The following PCDH9 variants were observed in gnomAD, a reference collection of about 807,000 sequenced individuals.
PCDH9 encodes the protein protocadherin 9, also known as protocadherin-9.
In PCDH9, 24 loss-of-function variants were observed where a neutral mutation model predicts 70.6. That is an observed-to-expected ratio of 0.34 (90% CI 0.25 to 0.48). PCDH9 has a LOEUF of 0.48. Ranked by LOEUF, PCDH9 falls within the 20% of genes least tolerant of loss-of-function variation. PCDH9 has a pLI of 0.99. For synonymous variants in PCDH9, 562 were observed against 558.5 expected (o/e 1.01, Z -0.09); for missense variants, 1,281 against 1,503.6 (o/e 0.85, Z 2.45).
intron 3 of PCDH9, among the ~76,000 whole-genome samples, chr13:66,705,131 T>C (rs918085397): frequency 1.3e-5 from 2 of 152,148 alleles, no homozygotes; most frequent in African/African-American, 4.8e-5. Flanking sequence ...GTTTATACCA[T>C]AGAGTGTTTA....
chr13:67,208,176 C>A (rs148907889), intron 2 of PCDH9: 1 of 152,198 alleles, frequency 6.6e-6, no homozygotes, highest in Non-Finnish European at 1.5e-5. Flanking sequence ...TTGCCAGATA[C>A]TGCTAATATT....
rs868237102 is a variant in PCDH9 at position 67,103,801 on chromosome 13, T to C, written c.3036+121604A>G. Among the ~76,000 whole-genome samples, 13 of 151,330 alleles carry C rather than the reference T, an allele frequency of 8.6e-5. No individual in the cohort carries two copies. The South Asian group carries it at 1.0e-3, about 12-fold the overall frequency. ...GCTTGACTAGGGAATTCCTACATCATTGACTAGGCAGTGGGGAACCATCGA... is the reference window on the plus strand; with the variant it reads ...GCTTGACTAGGGAATTCCTACATCACTGACTAGGCAGTGGGGAACCATCGA... On this transcript the variant is annotated intron_variant, in intron 2 of 4. Transcript: ENST00000377865.
chr13:67,193,332 AACACACACACACACAC>A (rs71110637), intron 2 of PCDH9, among the ~76,000 whole-genome samples: 2 of 141,954 alleles, frequency 1.4e-5, no homozygotes, highest in African/African-American at 5.2e-5. Flanking sequence ...TGGAGATTAA[AACACACACACACACAC>A]ACACACACAC....
chr13:66,340,445 G>A (rs1163352451), intron 4 of PCDH9, among the ~76,000 whole-genome samples: 1 of 152,090 alleles, frequency 6.6e-6, no homozygotes, highest in African/African-American at 2.4e-5. Flanking sequence ...ATGTAATGCT[G>A]GAAGGACTAG....
intron 2 of PCDH9, among the ~76,000 whole-genome samples, chr13:67,038,005 T>C (rs1222272032): frequency 6.6e-6 from 1 of 152,058 alleles, no homozygotes; most frequent in Non-Finnish European, 1.5e-5. Context: ...GTAATAAAAA[T>C]AGTGAAAAGA....
chr13:66,870,413 T>C (rs532313257), intron 3 of PCDH9, among the ~76,000 whole-genome samples: 110 of 152,234 alleles, frequency 7.2e-4, no homozygotes, highest in African/African-American at 2.5e-3. Flanking sequence ...AAAGAGCTTC[T>C]TCACAGCAAA....
intron 3 of PCDH9, among the ~76,000 whole-genome samples, chr13:66,779,847 C>CTATATA (rs1282944249): frequency 0.14 from 8,408 of 58,600 alleles, 272 homozygotes; most frequent in Admixed American, 0.2. Flanking sequence ...CTCTCTCTCT[C>CTATATA]TCTATATATA....
At chr13:66,799,752 A>C (rs1047022620) in intron 3 of PCDH9, among the ~76,000 whole-genome samples, 1 of 152,194 alleles carries the variant, frequency 6.6e-6, no homozygotes, top group Non-Finnish European at 1.5e-5. Context: ...CTTCTGTTAA[A>C]TGGCAATTTA....
intron 2 of PCDH9, among the ~76,000 whole-genome samples, chr13:66,994,623 T>G (rs1022272964): frequency 1.3e-5 from 2 of 152,170 alleles, no homozygotes; most frequent in Non-Finnish European, 2.9e-5. Flanking sequence ...ACTCCAGAAA[T>G]AGAGCTGAGC....
At chr13:66,370,043 C>G (rs1477286176) in intron 4 of PCDH9, among the ~76,000 whole-genome samples, 2 of 152,092 alleles carry the variant, frequency 1.3e-5, no homozygotes, top group Non-Finnish European at 1.5e-5. Context: ...CAAATATCCA[C>G]TGGTCCCAAG....
At chr13:66,669,978 A>C (rs894835065) in intron 3 of PCDH9, among the ~76,000 whole-genome samples, 2 of 152,194 alleles carry the variant, frequency 1.3e-5, no homozygotes, top group Non-Finnish European at 2.9e-5. Context: ...AGCTTTGTGC[A>C]CTTCAGTCTC....
At chr13:67,196,677 A>T (rs1316501215) in intron 2 of PCDH9, among the ~76,000 whole-genome samples, 9 of 152,146 alleles carry the variant, frequency 5.9e-5, no homozygotes, top group Admixed American at 4.6e-4. Flanking sequence ...TGATTGTGTA[A>T]ATGTTTCATT....
intron 2 of PCDH9, among the ~76,000 whole-genome samples, chr13:67,109,427 T>C (rs2086612146): frequency 6.6e-6 from 1 of 152,212 alleles, no homozygotes; most frequent in African/African-American, 2.4e-5. Flanking sequence ...GTTTGGCATA[T>C]TTCATTCTTT....
At chr13:66,770,002 A>C (rs1480227059) in intron 3 of PCDH9, among the ~76,000 whole-genome samples, 1 of 152,164 alleles carries the variant, frequency 6.6e-6, no homozygotes, top group Non-Finnish European at 1.5e-5. Flanking sequence ...TGCTTCTGCA[A>C]TACTTTAAAA....
intron 3 of PCDH9, among the ~76,000 whole-genome samples, chr13:66,828,395 T>C (rs1026290692): frequency 1.3e-5 from 2 of 152,166 alleles, no homozygotes; most frequent in African/African-American, 4.8e-5. Flanking sequence ...AATGACAATA[T>C]TACTGACAGG....
At chr13:66,885,145 C>T (rs1317382239) in intron 3 of PCDH9, among the ~76,000 whole-genome samples, 1 of 152,126 alleles carries the variant, frequency 6.6e-6, no homozygotes, top group East Asian at 1.9e-4. Flanking sequence ...TTCTGATGCT[C>T]TCCTAGTACT....
chr13:66,672,315 T>A (rs930702449), intron 3 of PCDH9, among the ~76,000 whole-genome samples: 2 of 152,178 alleles, frequency 1.3e-5, no homozygotes, highest in African/African-American at 4.8e-5. Flanking sequence ...ATCAAAGCAA[T>A]GCTTACATGT....
chr13:66,317,397 G>A (rs1303269193), intron 4 of PCDH9, among the ~76,000 whole-genome samples: 1 of 152,156 alleles, frequency 6.6e-6, no homozygotes, highest in Admixed American at 6.5e-5. Flanking sequence ...TATTTGGAAT[G>A]TTCAAGTGAA....
At chr13:67,025,652 T>G (rs2084764714) in intron 2 of PCDH9, among the ~76,000 whole-genome samples, 1 of 152,110 alleles carries the variant, frequency 6.6e-6, no homozygotes, top group African/African-American at 2.4e-5. Context: ...TATTAAAAAT[T>G]ACTGGGAGGA....
Sources: gnomAD v4.1 joint callset for allele counts (sites outside exome capture counted in the v4.1 genomes callset) on GRCh38, gnomAD v4.1.1 for gene constraint, MANE v1.5 for transcripts, NCBI Gene and HGNC (gene_info 2026-07-23, HGNC 2026-07-21) for gene names.